Variants in LSM4 observed in about 807,000 individuals in gnomAD.
The protein encoded by LSM4 is U6 snRNA-associated Sm-like protein LSm4.
Under a neutral mutation model 22.3 loss-of-function variants are expected in LSM4, and 15 were observed. The ratio of observed to expected loss-of-function variants is 0.67; its 90% CI spans 0.45 to 1.03. LSM4 has a LOEUF of 1.03. Ranked by LOEUF, LSM4 falls within the 50% of genes least tolerant of loss-of-function variation. LSM4 has a pLI of 0.00. For missense variants in LSM4, 127 were observed against 198.0 expected (o/e 0.64, Z 2.15); for synonymous variants, 90 against 79.8 (o/e 1.13, Z -0.68).
intron 2 of LSM4, among the ~76,000 whole-genome samples, chr19:18,313,883 G>A (rs1970324318): frequency 6.6e-6 from 1 of 152,084 alleles, no homozygotes; most frequent in Non-Finnish European, 1.5e-5. Flanking sequence ...GCAATGGTGT[G>A]ATCTCAGCTC....
chr19:18,307,363 C>A lies in LSM4; in HGVS notation c.*101G>T. 1.0e-6 allele frequency: 1 copy of A among 976,340 alleles called. No homozygotes were observed. The allele number at this position is 976,340 out of a possible 1,614,324, so 60.5% of individuals were successfully genotyped here. On this transcript the variant is annotated 3_prime_UTR_variant, in exon 5 of 5. Coordinates refer to ENST00000593829, the MANE Select transcript of LSM4 (RefSeq NM_012321.5). ...TCACAAAACACGAAGGGGGTTCCCC[C>A]TGGCGCCTGCCTCTTCCTTTCTGAG...
At chr19:18,316,509 A>T (rs1046321822) in intron 1 of LSM4, among the ~76,000 whole-genome samples, 2 of 151,832 alleles carry the variant, frequency 1.3e-5, no homozygotes, top group African/African-American at 4.8e-5. Flanking sequence ...CACCACACCC[A>T]GCAAATTTTT....
At position 18,321,056 on chromosome 19, in the gene LSM4, G is replaced by A. The variant is rs200130409; in HGVS notation, c.3+1962C>T. ...CCACTCCTTCTGGCCCTGCCCTGAC[G>A]ACAGGGAACTGGAAGTGTGTATCCT... On this transcript the variant is annotated intron_variant, in intron 1 of 4. Coordinates refer to ENST00000593829, the MANE Select transcript of LSM4 (RefSeq NM_012321.5). 3.3e-5 allele frequency among the ~76,000 whole-genome samples: 5 copies of A among 152,196 alleles called. No individual in the cohort carries two copies. In the South Asian group the frequency reaches 6.2e-4, roughly 19 times the overall value.
chr19:18,314,717 C>A (rs1970336037), intron 2 of LSM4, among the ~76,000 whole-genome samples: 1 of 152,022 alleles, frequency 6.6e-6, no homozygotes, highest in African/African-American at 2.4e-5. Flanking sequence ...ACGGCAGCTG[C>A]CTCATGCTCA....
intron 3 of LSM4, chr19:18,310,092 C>A (rs1970282593): frequency 5.5e-6 from 3 of 544,814 alleles, no homozygotes; most frequent in Middle Eastern, 4.7e-4. Context: ...GTAGGCGCAG[C>A]CCCCATTGTG....
At chr19:18,321,922 TTA>T (rs1970428826) in intron 1 of LSM4, among the ~76,000 whole-genome samples, 1 of 152,096 alleles carries the variant, frequency 6.6e-6, no homozygotes. Flanking sequence ...ACCCGCCAAA[TTA>T]TCTTTCAAAA....
intron 1 of LSM4, among the ~76,000 whole-genome samples, chr19:18,319,609 C>A (rs1280688685): frequency 6.6e-6 from 1 of 152,098 alleles, no homozygotes; most frequent in African/African-American, 2.4e-5. Flanking sequence ...TGGTGCAGAC[C>A]CACTCTCACA....
intron 2 of LSM4, among the ~76,000 whole-genome samples, 168 bp downstream of exon 2, chr19:18,315,856 T>C (rs2148143076): frequency 6.6e-6 from 1 of 152,164 alleles, no homozygotes; most frequent in East Asian, 1.9e-4. Flanking sequence ...TGTATTACTC[T>C]TACAAGCAGC....
chr19:18,312,396 A>G, intron 3 of LSM4: 1 of 532,596 alleles, frequency 1.9e-6, no homozygotes, highest in Non-Finnish European at 3.4e-6. Context: ...ACAGCAGGAA[A>G]GTCTCCCACA....
intron 2 of LSM4, 87 bp from the exon 3 acceptor site, chr19:18,312,789 G>T: frequency 2.0e-6 from 2 of 998,724 alleles, no homozygotes; most frequent in Non-Finnish European, 3.2e-6. Flanking sequence ...GCCCTGAGAT[G>T]GACCACCACC....
chr19:18,322,527 GC>G, intron 1 of LSM4, among the ~76,000 whole-genome samples: 1 of 152,216 alleles, frequency 6.6e-6, no homozygotes, highest in South Asian at 2.1e-4. Context: ...CTGCTTTTCA[GC>G]CAGAAACCAA....
chr19:18,306,909 T>C lies in LSM4; in HGVS notation c.*555A>G, dbSNP rs774321791. The C allele has an allele frequency of 1.3e-5, 2 of 152,332 alleles. No homozygotes were observed. Among genetic ancestry groups the C allele is most frequent in the Non-Finnish European group, 2.9e-5 (2 of 68,110 alleles). 9.4% of individuals were successfully genotyped at this position (152,332 alleles called of 1,614,324 possible). ...AGAAGCTCAAAAGGAACAGTGGATG[T>C]GCAGTGTGTAGTTTTATTTGTTTTT... On this transcript the variant is annotated 3_prime_UTR_variant, in exon 5 of 5. Transcript: ENST00000593829.
chr19:18,315,887 C>T, intron 2 of LSM4, 137 bp downstream of exon 2: 8 of 691,568 alleles, frequency 1.2e-5, no homozygotes, highest in South Asian at 9.0e-5. Flanking sequence ...GGAGTGTGGA[C>T]ACTCCTGGGG....
Position 18,320,927 on chromosome 19 carries a change from C to T in LSM4, c.3+2091G>A, listed in dbSNP as rs567374322. ...TTCCTTTCTCTGGGCTTTCTTGGAG[C>T]ATCTGGAATCTGGTTCTCAGGTCTA... On this transcript the variant is annotated intron_variant, in intron 1 of 4. Transcript: ENST00000593829. Among the ~76,000 whole-genome samples, 8 of 152,334 alleles carry T rather than the reference C, an allele frequency of 5.3e-5. No homozygotes were observed. The East Asian group carries it at 1.3e-3, about 26-fold the overall frequency.
At chr19:18,310,550 A>G (rs554459885) in intron 3 of LSM4, among the ~76,000 whole-genome samples, 1 of 152,288 alleles carries the variant, frequency 6.6e-6, no homozygotes, top group East Asian at 1.9e-4. Flanking sequence ...ACACAGACTC[A>G]TGCTGCAATG....
chr19:18,309,769 G>A lies in LSM4; in HGVS notation c.237C>T (p.Val79=), dbSNP rs367937303. 46 of 1,613,736 alleles carry A rather than the reference G, an allele frequency of 2.9e-5. No individual in the cohort carries two copies. Among genetic ancestry groups the A allele is most frequent in the Non-Finnish European group, 3.7e-5 (44 of 1,179,936 alleles). The change falls in exon 4 of 5, where the codon GTC becomes GTT. Residue 79 remains valine (V), a synonymous_variant. Coordinates refer to ENST00000593829, the MANE Select transcript of LSM4 (RefSeq NM_012321.5). ...GGCCCTTGGCCACCACCTCCTCCTT[G>A]ACCATGTCGATGATCTCGTCGGGGA... is the stretch of plus-strand genomic sequence containing the variant. The part of the protein sequence containing the change: ...LRIPDEIIDM[V]KEEVVAKGRG...
At position 18,307,633 on chromosome 19, in the gene LSM4, T is replaced by TAGGCGCCCCTTCACGCCACCCTCACCAC; in HGVS notation, c.329-79_329-78insGTGGTGAGGGTGGCGTGAAGGGGCGCCT. 5.6e-6 allele frequency: 6 copies of TAGGCGCCCCTTCACGCCACCCTCACCAC among 1,073,886 alleles called. No individual in the cohort carries two copies. In the South Asian group the frequency reaches 1.1e-4, roughly 20 times the overall value. 66.5% of individuals were successfully genotyped at this position (1,073,886 alleles called of 1,614,324 possible). A position where few individuals can be genotyped will look rare whatever the true frequency, so the allele number is the denominator to read the frequency against. ...ACAGGATCCCGGCGCCCTGAAACTC[T>TAGGCGCCCCTTCACGCCACCCTCACCAC]AGGCCAGGTCACCTAAGTCTCCAGC... On this transcript the variant is annotated intron_variant, in intron 4 of 4. Coordinates refer to ENST00000593829, the MANE Select transcript of LSM4 (RefSeq NM_012321.5).
Position 18,323,064 on chromosome 19 carries a change from C to CGCT in LSM4, c.-47_-45dup, listed in dbSNP as rs547725209. 214 of 1,490,730 alleles carry CGCT rather than the reference C, an allele frequency of 1.4e-4. No individual in the cohort carries two copies. The East Asian group carries it at 5.6e-3, about 39-fold the overall frequency. The allele number at this position is 1,490,730 out of a possible 1,614,324, so 92.3% of individuals were successfully genotyped here. ...GCTCGCCGGCCACTTCCGCCGCCGC[C>CGCT]GCTGCACACGCTCCCGGCGGTCGTC... On this transcript the variant is annotated 5_prime_UTR_variant, in exon 1 of 5. Transcript: ENST00000593829.
chr19:18,322,943 A>T (rs1970441423), intron 1 of LSM4, 75 bp downstream of exon 1: 1 of 1,567,744 alleles, frequency 6.4e-7, no homozygotes, highest in Non-Finnish European at 8.6e-7. Context: ...CCAAGCCCAC[A>T]GCGCCCGCCC....
Sources: gnomAD v4.1 joint callset for allele counts (sites outside exome capture counted in the v4.1 genomes callset) on GRCh38, gnomAD v4.1.1 for gene constraint, MANE v1.5 for transcripts, NCBI Gene and HGNC (gene_info 2026-07-23, HGNC 2026-07-21) for gene names.